SOX5: variants seen among roughly 807,000 people sequenced by gnomAD.
The protein encoded by SOX5 is SRY-box transcription factor 5.
SOX5 carries 9 observed loss-of-function variants against 92.0 expected under a neutral mutation model. The ratio of observed to expected loss-of-function variants is 0.10; its 90% CI spans 0.06 to 0.17. The LOEUF is 0.17. Among genes scored for constraint, SOX5 ranks in the 10% least tolerant of loss-of-function variants. The pLI, the probability that SOX5 is intolerant of heterozygous loss-of-function variation, is 1.00. For synonymous variants in SOX5, 344 were observed against 336.3 expected (o/e 1.02, Z -0.25); for missense variants, 642 against 944.5 (o/e 0.68, Z 4.20).
chr12:23,749,407 G>A (rs1321175389), intron 4 of SOX5, among the ~76,000 whole-genome samples: 1 of 151,800 alleles, frequency 6.6e-6, no homozygotes, highest in Non-Finnish European at 1.5e-5. Flanking sequence ...ACATGATAAT[G>A]TTGTTGTTTT....
chr12:23,814,528 G>A (rs2095947026), intron 3 of SOX5, among the ~76,000 whole-genome samples: 1 of 152,106 alleles, frequency 6.6e-6, no homozygotes, highest in South Asian at 2.1e-4. Context: ...CATAAAAGTT[G>A]ACAGATCTTC....
chr12:23,546,211 A>C, intron 12 of SOX5, 105 bp downstream of exon 12: 1 of 667,132 alleles, frequency 1.5e-6, no homozygotes, highest in Admixed American at 2.5e-5. Flanking sequence ...TATTGTAATG[A>C]TGAGGTATGA....
intron 2 of SOX5, among the ~76,000 whole-genome samples, chr12:24,296,590 A>G (rs16927432): frequency 0.055 from 8,329 of 152,278 alleles, 245 homozygotes; most frequent in Middle Eastern, 0.082. Context: ...AGTGAGGAAA[A>G]TACCTTTTGA....
intron 2 of SOX5, among the ~76,000 whole-genome samples, chr12:24,347,897 C>T (rs1040375447): frequency 6.6e-6 from 1 of 151,876 alleles, no homozygotes; most frequent in Non-Finnish European, 1.5e-5. Context: ...CCGACCTGGC[C>T]CCAGAAAACT....
chr12:23,540,827 G>T lies in SOX5; in HGVS notation c.1771+2384C>A, dbSNP rs949743294. Reference sequence around the variant, plus strand: ...AAATGTCAACCCAGCTCAAGCGCCTGTTTTAAGCAGAATGAATTAGCGGCA... The same window carrying T: ...AAATGTCAACCCAGCTCAAGCGCCTTTTTTAAGCAGAATGAATTAGCGGCA... On this transcript the variant is annotated intron_variant, in intron 13 of 14. Transcript: ENST00000451604. 5.3e-5 allele frequency among the ~76,000 whole-genome samples: 8 copies of T among 152,312 alleles called. No individual in the cohort carries two copies. In the East Asian group the frequency reaches 1.5e-3, roughly 29 times the overall value.
At chr12:23,565,390 T>C (rs1267878934) in intron 10 of SOX5, among the ~76,000 whole-genome samples, 1 of 152,220 alleles carries the variant, frequency 6.6e-6, no homozygotes, top group African/African-American at 2.4e-5. Flanking sequence ...CTGATTTTCT[T>C]ATGCTCTAAC....
intron 4 of SOX5, among the ~76,000 whole-genome samples, chr12:24,167,791 C>G (rs1953594464): frequency 6.6e-6 from 1 of 152,220 alleles, no homozygotes. Context: ...ATGTCAATCA[C>G]TATTTTCTTT....
chr12:24,406,895 T>C (rs1348609040), intron 1 of SOX5, among the ~76,000 whole-genome samples: 1 of 152,140 alleles, frequency 6.6e-6, no homozygotes, highest in Admixed American at 6.5e-5. Flanking sequence ...GTTGTGCTTG[T>C]TCAAAATACG....
At chr12:23,718,823 A>T (rs1359405743) in intron 6 of SOX5, among the ~76,000 whole-genome samples, 3 of 152,214 alleles carry the variant, frequency 2.0e-5, no homozygotes, top group African/African-American at 7.2e-5. Context: ...TACATGGAGG[A>T]GACGGGCAAT....
At chr12:24,092,257 T>C (rs1372051157) in intron 4 of SOX5, among the ~76,000 whole-genome samples, 1 of 152,106 alleles carries the variant, frequency 6.6e-6, no homozygotes, top group East Asian at 1.9e-4. Context: ...AATAAACTCC[T>C]AAAGAAAAAC....
intron 2 of SOX5, among the ~76,000 whole-genome samples, chr12:23,848,672 A>T (rs1012051680): frequency 6.6e-6 from 1 of 152,198 alleles, no homozygotes; most frequent in Admixed American, 6.5e-5. Context: ...TACATGAAGT[A>T]ATGATTCCAT....
At chr12:24,247,797 C>T (rs1939171752) in intron 3 of SOX5, among the ~76,000 whole-genome samples, 3 of 151,574 alleles carry the variant, frequency 2.0e-5, no homozygotes, top group Admixed American at 2.0e-4. Flanking sequence ...ACTACAGGTG[C>T]CCGCTACTAC....
intron 3 of SOX5, among the ~76,000 whole-genome samples, chr12:24,219,555 T>C (rs983298545): frequency 6.6e-6 from 1 of 152,086 alleles, no homozygotes; most frequent in Admixed American, 6.5e-5. Context: ...TTTAATGAAA[T>C]ACTCAAGAGG....
intron 4 of SOX5, among the ~76,000 whole-genome samples, chr12:23,745,647 G>A (rs1175139721): frequency 6.6e-6 from 1 of 152,068 alleles, no homozygotes; most frequent in Admixed American, 6.6e-5. Flanking sequence ...TGCCTTGCCT[G>A]GGCCAGTCTC....
rs1387871245 is a variant in SOX5 at position 23,934,397 on chromosome 12, G to GTATATGTATATCACATATGATGTGTA, written c.38+15141_38+15166dup. Among the ~76,000 whole-genome samples, 3 of 149,252 alleles carry GTATATGTATATCACATATGATGTGTA rather than the reference G, an allele frequency of 2.0e-5. No homozygotes were observed. In the East Asian group the frequency reaches 5.9e-4, roughly 29 times the overall value. The stretch of plus-strand genomic sequence containing the variant: ...AATCAATTTTATATATTATACATAT[G>GTATATGTATATCACATATGATGTGTA]TATATGTATATCACATATGATGTGT... On this transcript the variant is annotated intron_variant, in intron 1 of 14. Coordinates refer to ENST00000451604, the MANE Select transcript of SOX5 (RefSeq NM_006940.6).
chr12:23,778,785 A>T (rs1291096946), intron 3 of SOX5, among the ~76,000 whole-genome samples: 1 of 152,148 alleles, frequency 6.6e-6, no homozygotes, highest in Non-Finnish European at 1.5e-5. Context: ...GAAAATTATC[A>T]TGTCTTCTTC....
intron 11 of SOX5, among the ~76,000 whole-genome samples, chr12:23,552,756 AC>A (rs1169246241): frequency 1.3e-5 from 2 of 151,910 alleles, no homozygotes; most frequent in Non-Finnish European, 2.9e-5. Context: ...AGAAGTTTCC[AC>A]CTTCCTAGAG....
chr12:24,537,508 C>A (rs1951745485), intron 1 of SOX5, among the ~76,000 whole-genome samples: 1 of 152,152 alleles, frequency 6.6e-6, no homozygotes, highest in Non-Finnish European at 1.5e-5. Flanking sequence ...CCGTCAACTG[C>A]AGTATATAAC....
chr12:24,327,561 A>G (rs1366167217), intron 2 of SOX5, among the ~76,000 whole-genome samples: 1 of 151,306 alleles, frequency 6.6e-6, no homozygotes. Flanking sequence ...GATTACAGGC[A>G]TGTGCCACCA....
Sources: allele counts gnomAD v4.1 joint callset (sites outside exome capture counted in the v4.1 genomes callset), GRCh38; gene constraint gnomAD v4.1.1; transcripts MANE v1.5; gene names NCBI Gene and HGNC (gene_info 2026-07-23, HGNC 2026-07-21).